The following AIG1 variants were observed in gnomAD, a reference collection of about 807,000 sequenced individuals.
AIG1 encodes the protein androgen-induced gene 1 protein.
Under a neutral mutation model 31.4 loss-of-function variants are expected in AIG1, and 23 were observed. That is an observed-to-expected ratio of 0.73 (90% CI 0.53 to 1.04). The LOEUF is 1.04. AIG1 is among the 50% of genes least tolerant of loss of function. The probability of loss-of-function intolerance (pLI) is 0.00; values close to 1 mark genes in which losing one functional copy is unlikely to be tolerated. For synonymous variants in AIG1, 100 were observed against 110.5 expected (o/e 0.90, Z 0.60); for missense variants, 274 against 295.0 (o/e 0.93, Z 0.52).
rs1776920972 is a variant in AIG1, at chr6:143,329,769, A to G, written c.516-3513A>G. ...GAAAAAATCAAAAGATGAATATTTC[A>G]TGATGTGAAAATTACATCTAATTCA... is the stretch of plus-strand genomic sequence containing the variant. On this transcript the variant is annotated intron_variant, in intron 4 of 5. Transcript: ENST00000357847. This position sits in a 1 kb window ranked among gnomAD's most constrained non-coding sequence, Gnocchi z 4.9. Among the ~76,000 whole-genome samples the G allele has an allele frequency of 6.6e-6, 1 of 152,246 alleles. No individual in the cohort carries two copies.
intron 4 of AIG1, among the ~76,000 whole-genome samples, chr6:143,322,314 A>G (rs867498243): frequency 4.6e-5 from 7 of 152,356 alleles, no homozygotes; most frequent in Non-Finnish European, 7.4e-5. Flanking sequence ...TCTGCAAAAT[A>G]TGGAAAATTA....
At chr6:143,121,129 A>G (rs924805781) in intron 1 of AIG1, among the ~76,000 whole-genome samples, 2 of 152,250 alleles carry the variant, frequency 1.3e-5, no homozygotes, top group African/African-American at 4.8e-5. Flanking sequence ...CAATAAATAC[A>G]TGGGTAAATC....
chr6:143,209,740 C>A (rs1175283334), intron 3 of AIG1, among the ~76,000 whole-genome samples: 1 of 151,332 alleles, frequency 6.6e-6, no homozygotes, highest in Non-Finnish European at 1.5e-5. Flanking sequence ...TTGTTGTAGG[C>A]CCCCAAGTTC....
intron 3 of AIG1, among the ~76,000 whole-genome samples, chr6:143,227,919 C>T (rs1165812594): frequency 2.0e-5 from 3 of 152,180 alleles, no homozygotes; most frequent in African/African-American, 2.4e-5. Flanking sequence ...TTGCTGCATT[C>T]CTCTTTATCT....
Position 143,259,539 on chromosome 6 carries a change from A to T in AIG1, c.400-24571A>T, listed in dbSNP as rs192831081. Among the ~76,000 whole-genome samples, 225 of 152,270 alleles carry T rather than the reference A, an allele frequency of 1.5e-3. 1 individual carries two copies. Among genetic ancestry groups the T allele is most frequent in the African/African-American group, 5.1e-3 (211 of 41,542 alleles). On this transcript the variant is annotated intron_variant, in intron 3 of 5. Transcript: ENST00000357847. ...CCTGTTTTGGTCTTAATATATATGT[A>T]TGCCTTTCTTTTAAATGAGCGTATT... is the stretch of plus-strand genomic sequence containing the variant.
In AIG1 at chr6:143,302,787, G is replaced by A. The variant is rs541579987; in HGVS notation, c.515+18562G>A. Among the ~76,000 whole-genome samples the A allele has an allele frequency of 5.9e-5, 9 of 152,280 alleles. No homozygotes were observed. In the South Asian group the frequency reaches 1.9e-3, roughly 32 times the overall value. ...ATGGCATTTCTAGTTCTAGATCCCTGAGGAATCGCCACACTGACTTCCACA... is the reference window on the plus strand; with the variant it reads ...ATGGCATTTCTAGTTCTAGATCCCTAAGGAATCGCCACACTGACTTCCACA... On this transcript the variant is annotated intron_variant, in intron 4 of 5. Coordinates refer to ENST00000357847, the MANE Select transcript of AIG1 (RefSeq NM_016108.4).
rs1350429327 is a variant in AIG1, at chr6:143,339,635, C to A, written c.680-4C>A. 6.2e-7 allele frequency: 1 copy of A among 1,612,834 alleles called. No individual in the cohort carries two copies. Among genetic ancestry groups the A allele is most frequent in the Non-Finnish European group, 8.5e-7 (1 of 1,179,446 alleles). ...CAAATAAAACACTTTGCCTGTATTT[C>A]TAGGTATGGAAGAAGAGAAAGAAAA... On this transcript the variant is annotated splice_region_variant and splice_polypyrimidine_tract_variant and intron_variant, in intron 5 of 5. Coordinates refer to ENST00000357847, the MANE Select transcript of AIG1 (RefSeq NM_016108.4).
At chr6:143,157,780 T>C (rs1281147735) in intron 2 of AIG1, among the ~76,000 whole-genome samples, 1 of 152,222 alleles carries the variant, frequency 6.6e-6, no homozygotes, top group African/African-American at 2.4e-5. Context: ...TTTTCTTTAA[T>C]GGAGAATTAT....
chr6:143,239,211 A>C (rs938784938), intron 3 of AIG1, among the ~76,000 whole-genome samples: 2 of 152,210 alleles, frequency 1.3e-5, no homozygotes, highest in African/African-American at 4.8e-5. Flanking sequence ...TGTATAGCGG[A>C]AATGACATTT....
Position 143,268,612 on chromosome 6 carries a change from A to C in AIG1, c.400-15498A>C, listed in dbSNP as rs1219411656. On this transcript the variant is annotated intron_variant, in intron 3 of 5. Coordinates refer to ENST00000357847, the MANE Select transcript of AIG1 (RefSeq NM_016108.4). This position sits in a 1 kb window ranked among gnomAD's most constrained non-coding sequence, Gnocchi z 5.0. ...GACCAATTTCTTGTTTCATAAGAAC[A>C]CTAAGTCCCTGTAAGTGCCAATGTC... Among the ~76,000 whole-genome samples, 1 of 152,218 alleles carries C rather than the reference A, an allele frequency of 6.6e-6. No individual in the cohort carries two copies. Among genetic ancestry groups the C allele is most frequent in the African/African-American group, 2.4e-5 (1 of 41,458 alleles).
intron 3 of AIG1, among the ~76,000 whole-genome samples, chr6:143,253,760 AT>A (rs1273496285): frequency 6.6e-6 from 1 of 152,206 alleles, no homozygotes; most frequent in African/African-American, 2.4e-5. Flanking sequence ...CCGTCTTCAA[AT>A]TCTTAAAACT....
intron 3 of AIG1, among the ~76,000 whole-genome samples, chr6:143,190,980 A>G (rs1057266364): frequency 1.1e-4 from 17 of 150,564 alleles, no homozygotes; most frequent in African/African-American, 3.2e-4. Context: ...GACACTATCT[A>G]TTTTTTTTTA....
chr6:143,175,204 T>A (rs890155787), intron 3 of AIG1, among the ~76,000 whole-genome samples: 1 of 152,260 alleles, frequency 6.6e-6, no homozygotes, highest in Non-Finnish European at 1.5e-5. Context: ...CTTTGTAGGT[T>A]ACCTGATGCT....
intron 4 of AIG1, among the ~76,000 whole-genome samples, chr6:143,300,579 A>C (rs184047372): frequency 1.4e-4 from 22 of 152,216 alleles, no homozygotes; most frequent in Non-Finnish European, 1.0e-4. Flanking sequence ...ATTAAAAACT[A>C]CTAGTGATAT....
intron 3 of AIG1, among the ~76,000 whole-genome samples, chr6:143,233,218 C>T (rs139512295): frequency 6.6e-6 from 1 of 152,100 alleles, no homozygotes; most frequent in Non-Finnish European, 1.5e-5. Context: ...GGGGCACGGA[C>T]CATCAGGGTG....
chr6:143,263,346 T>C (rs1795939646), intron 3 of AIG1, among the ~76,000 whole-genome samples: 1 of 152,156 alleles, frequency 6.6e-6, no homozygotes, highest in South Asian at 2.1e-4. Flanking sequence ...ATTTCTGATG[T>C]CAGGAACATG....
At chr6:143,134,068 A>G (rs1005347789) in intron 1 of AIG1, among the ~76,000 whole-genome samples, 1 of 152,120 alleles carries the variant, frequency 6.6e-6, no homozygotes, top group African/African-American at 2.4e-5. Flanking sequence ...CTAGCCAACT[A>G]TATTTCAAAA....
At chr6:143,149,532 C>CAAAAAAAAA (rs71767812) in intron 2 of AIG1, among the ~76,000 whole-genome samples, 11 of 39,984 alleles carry the variant, frequency 2.8e-4, no homozygotes, top group East Asian at 5.8e-4. Flanking sequence ...GACTCTGTCT[C>CAAAAAAAAA]AAAAAAAAAA....
intron 3 of AIG1, among the ~76,000 whole-genome samples, chr6:143,168,512 G>T (rs1178400575): frequency 1.3e-5 from 2 of 150,768 alleles, no homozygotes; most frequent in East Asian, 3.9e-4. Flanking sequence ...GCGGTGTTTG[G>T]TTTTTTGTCC....
Sources: gnomAD v4.1 joint callset for allele counts (sites outside exome capture counted in the v4.1 genomes callset) on GRCh38, gnomAD v4.1.1 for gene constraint, Gnocchi (gnomAD v3.1) non-coding constraint, MANE v1.5 for transcripts, NCBI Gene and HGNC (gene_info 2026-07-23, HGNC 2026-07-21) for gene names.